The following PTDSS2 variants were observed in gnomAD, a reference collection of about 807,000 sequenced individuals.
PTDSS2 encodes the protein PSS-2.
PTDSS2 carries 41 observed loss-of-function variants against 64.7 expected under a neutral mutation model. The observed-to-expected ratio is 0.63, with a 90% CI of 0.49 to 0.82. PTDSS2 has a LOEUF of 0.82. Ranked by LOEUF, PTDSS2 falls within the 40% of genes least tolerant of loss-of-function variation. The pLI is 0.00. For missense variants in PTDSS2, 485 were observed against 650.0 expected (o/e 0.75, Z 2.76); for synonymous variants, 297 against 277.8 (o/e 1.07, Z -0.69).
In PTDSS2 at chr11:485,990, G is replaced by C. The variant is rs569937523; in HGVS notation, c.436-949G>C. ...GCGTGTGCTCACCGTGCGCGCAGGC[G>C]AGCGTAAGCAGTGCACGGGCGCGCG... On this transcript the variant is annotated intron_variant, in intron 4 of 11. Transcript: ENST00000308020. Among the ~76,000 whole-genome samples, 18 of 147,184 alleles carry C rather than the reference G, an allele frequency of 1.2e-4. No individual in the cohort carries two copies. The East Asian group carries it at 1.6e-3, about 13-fold the overall frequency.
Position 479,374 on chromosome 11 carries a change from C to G in PTDSS2, c.435+222C>G. On this transcript the variant is annotated intron_variant, in intron 4 of 11. Transcript: ENST00000308020. This position sits in a 1 kb window ranked among gnomAD's most constrained non-coding sequence, Gnocchi z 4.2. ...CTAGACCTTCAAAACGTAGGCCGAG[C>G]TGCGGGGGGCCTCCAGGAGCATCTG... 1 of 602,106 alleles carries G rather than the reference C, an allele frequency of 1.7e-6. No homozygotes were observed. Among genetic ancestry groups the G allele is most frequent in the Middle Eastern group, 4.4e-4 (1 of 2,264 alleles). The allele number at this position is 602,106 out of a possible 1,614,324, so 37.3% of individuals were successfully genotyped here.
At chr11:471,279 T>C (rs1205224127) in intron 2 of PTDSS2, among the ~76,000 whole-genome samples, 2 of 151,948 alleles carry the variant, frequency 1.3e-5, no homozygotes, top group Non-Finnish European at 2.9e-5. Context: ...ATATTTTTAG[T>C]AGAGACAGGA....
intron 1 of PTDSS2, chr11:459,665 C>G (rs1178343995): frequency 1.3e-5 from 2 of 156,634 alleles, no homozygotes; most frequent in African/African-American, 4.8e-5. Flanking sequence ...CGTCTGGGCT[C>G]TGACAGGCCA....
chr11:458,330 G>A (rs1414423320), intron 1 of PTDSS2, among the ~76,000 whole-genome samples: 3 of 150,102 alleles, frequency 2.0e-5, no homozygotes, highest in South Asian at 4.2e-4. Flanking sequence ...TCAGCCTCCC[G>A]AGTAGCTGGG....
At chr11:477,762 G>T (rs574424154) in intron 3 of PTDSS2, among the ~76,000 whole-genome samples, 5 of 152,230 alleles carry the variant, frequency 3.3e-5, no homozygotes, top group African/African-American at 1.2e-4. Context: ...TTCAGTTGGC[G>T]AGCCCTTGTG....
chr11:451,041 C>G (rs1170644843), intron 1 of PTDSS2, among the ~76,000 whole-genome samples: 9 of 152,222 alleles, frequency 5.9e-5, no homozygotes, highest in South Asian at 2.1e-4. Context: ...CTGTGTCCCC[C>G]GTCATTCTGC....
intron 2 of PTDSS2, among the ~76,000 whole-genome samples, chr11:472,808 T>TG: frequency 6.6e-6 from 1 of 152,304 alleles, no homozygotes; most frequent in Non-Finnish European, 1.5e-5. Flanking sequence ...CGTCTATTCT[T>TG]GCGGCCACAC....
chr11:450,359 C>T lies in PTDSS2; in HGVS notation c.-97C>T, dbSNP rs1210098207. ...GCGGGCCAGCGCCGCGACCCCTTCC[C>T]AGCGCTCCTCGCGCTGTGTGCGGCG... On this transcript the variant is annotated 5_prime_UTR_variant, in exon 1 of 12. Coordinates refer to ENST00000308020, the MANE Select transcript of PTDSS2 (RefSeq NM_030783.3). 9.0e-6 allele frequency: 10 copies of T among 1,116,806 alleles called. No individual in the cohort carries two copies. The East Asian group carries it at 3.4e-4, about 38-fold the overall frequency. 69.2% of individuals were successfully genotyped at this position (1,116,806 alleles called of 1,614,324 possible).
In PTDSS2 at chr11:479,553, G is replaced by T. The variant is rs568172949; in HGVS notation, c.435+401G>T. On this transcript the variant is annotated intron_variant, in intron 4 of 11. Transcript: ENST00000308020. The surrounding 1 kb of genome is among the most constrained non-coding windows in gnomAD (Gnocchi z 4.2). ...ATCTGAGTGCTGGTGGGGACTGGGC[G>T]TGAAGGGAGCCGCAAGTCAGGTCCT... 4.0e-6 allele frequency: 1 copy of T among 251,450 alleles called. No individual in the cohort carries two copies. The highest frequency in any genetic ancestry group is 2.3e-5 in the African/African-American group (1 of 44,040). The allele number at this position is 251,450 out of a possible 1,614,324, so 15.6% of individuals were successfully genotyped here.
At chr11:474,094 C>A in intron 3 of PTDSS2, 117 bp downstream of exon 3, 1 of 815,258 alleles carries the variant, frequency 1.2e-6, no homozygotes, top group Non-Finnish European at 2.1e-6. Flanking sequence ...GGCCCCTCCC[C>A]GAGGCCTCCG....
At chr11:488,726 C>A in intron 8 of PTDSS2, 79 bp downstream of exon 8, 1 of 1,055,836 alleles carries the variant, frequency 9.5e-7, no homozygotes, top group East Asian at 2.4e-5. Context: ...TCCAGCAGAC[C>A]CCGAGCACCA....
At chr11:450,757 C>T in intron 1 of PTDSS2, 120 bp downstream of exon 1, 1 of 941,392 alleles carries the variant, frequency 1.1e-6, no homozygotes, top group Non-Finnish European at 1.4e-6. Context: ...GGACTGTGGC[C>T]GGGGGTTTGA....
At chr11:486,826 C>A (rs55653405) in intron 4 of PTDSS2, 113 bp from the exon 5 acceptor site, 1 of 1,364,768 alleles carries the variant, frequency 7.3e-7, no homozygotes, top group Non-Finnish European at 9.7e-7. Flanking sequence ...CCAGCCTGGG[C>A]GACAGAGCGA....
chr11:450,438 G>C lies in PTDSS2; in HGVS notation c.-18G>C. Reference sequence around the variant, plus strand: ...TGGGGTCGAGGCGCCGGGCGGAGTGGCTCCGGGCCGAAACGCCATGCGGAG... The same window carrying C: ...TGGGGTCGAGGCGCCGGGCGGAGTGCCTCCGGGCCGAAACGCCATGCGGAG... On this transcript the variant is annotated 5_prime_UTR_variant, in exon 1 of 12. Transcript: ENST00000308020. 3 of 1,224,282 alleles carry C rather than the reference G, an allele frequency of 2.5e-6. No individual in the cohort carries two copies. Among genetic ancestry groups the C allele is most frequent in the Non-Finnish European group, 3.1e-6 (3 of 982,008 alleles). 75.8% of individuals were successfully genotyped at this position (1,224,282 alleles called of 1,614,324 possible). A position where few individuals can be genotyped will look rare whatever the true frequency, so the allele number is the denominator to read the frequency against.
At chr11:475,161 G>A (rs75856135) in intron 3 of PTDSS2, among the ~76,000 whole-genome samples, 1,048 of 90,596 alleles carry the variant, frequency 0.012, no homozygotes, top group Middle Eastern at 0.017. Flanking sequence ...ACATATTCAC[G>A]CGTTTGTGAT....
chr11:483,475 G>A (rs375829944), intron 4 of PTDSS2, among the ~76,000 whole-genome samples: 2 of 152,248 alleles, frequency 1.3e-5, no homozygotes, highest in Non-Finnish European at 2.9e-5. Flanking sequence ...CTTACTGAGT[G>A]GAGAAAGTTC....
intron 2 of PTDSS2, among the ~76,000 whole-genome samples, chr11:466,528 C>T (rs1055452200): frequency 1.3e-5 from 2 of 151,876 alleles, no homozygotes; most frequent in African/African-American, 4.8e-5. Flanking sequence ...CTGCTTCAGC[C>T]TCCCGAGTAG....
intron 5 of PTDSS2, 63 bp downstream of exon 5, chr11:487,136 G>A (rs61876333): frequency 0.11 from 167,404 of 1,469,126 alleles, 11,165 homozygotes; most frequent in Admixed American, 0.22. Flanking sequence ...CGGACCAGGC[G>A]CCATCCACGC....
In PTDSS2 at chr11:490,544, G is replaced by C. The variant is rs769092900; in HGVS notation, c.1426G>C (p.Gly476Arg). ...GCTGGACGAAGACCTGCTGGGGCCT[G>C]GGGTGGCCGAGGGCGAGGGAGCACC... is the stretch of plus-strand genomic sequence containing the variant. ...LGLDEDLLGP[G>R]VAEGEGAPTP... Residue 476 changes from glycine (G) to arginine (R), a missense_variant, in exon 12 of 12, where the codon GGG (glycine) becomes CGG (arginine). Transcript: ENST00000308020. The C allele has an allele frequency of 1.2e-6, 2 of 1,611,102 alleles. No individual in the cohort carries two copies. The highest frequency in any genetic ancestry group is 2.2e-5 in the South Asian group (2 of 90,852).
Sources: gnomAD v4.1 joint callset for allele counts (sites outside exome capture counted in the v4.1 genomes callset) on GRCh38, gnomAD v4.1.1 for gene constraint, Gnocchi (gnomAD v3.1) non-coding constraint, MANE v1.5 for transcripts, NCBI Gene and HGNC (gene_info 2026-07-23, HGNC 2026-07-21) for gene names.